NGEF: variants seen among roughly 807,000 people sequenced by gnomAD.
NGEF encodes ephexin-1.
A neutral mutation model predicts 80.9 loss-of-function variants in NGEF; 31 were observed. The ratio of observed to expected loss-of-function variants is 0.38; its 90% CI spans 0.29 to 0.52. The LOEUF is 0.52. Among genes scored for constraint, NGEF ranks in the 20% least tolerant of loss-of-function variants. The pLI is 0.84. For missense variants in NGEF, 709 were observed against 926.2 expected (o/e 0.77, Z 3.04); for synonymous variants, 371 against 370.2 (o/e 1.00, Z -0.03).
At chr2:232,964,222 G>A (rs1472790262) in intron 3 of NGEF, among the ~76,000 whole-genome samples, 1 of 152,082 alleles carries the variant, frequency 6.6e-6, no homozygotes, top group Non-Finnish European at 1.5e-5. Context: ...CTAAGACCTA[G>A]CAAGTCCACT....
chr2:232,928,047 G>T (rs1363026641), intron 3 of NGEF: 1 of 1,177,184 alleles, frequency 8.5e-7, no homozygotes, highest in Non-Finnish European at 1.0e-6. Context: ...GGGCCACGCC[G>T]GGGCCCTGGG....
At chr2:232,883,607 C>T (rs562893595) in intron 11 of NGEF, 141 bp from the exon 12 acceptor site, 126 of 907,064 alleles carry the variant, frequency 1.4e-4, no homozygotes, top group African/African-American at 2.2e-4. Flanking sequence ...TCCACCTGAA[C>T]GCCTGTCTCC....
chr2:232,998,605 T>G (rs1694904813), intron 1 of NGEF, among the ~76,000 whole-genome samples: 1 of 151,910 alleles, frequency 6.6e-6, no homozygotes, highest in South Asian at 2.1e-4. Context: ...CCATGCTGGG[T>G]GAAGCCTTCT....
At chr2:232,952,193 T>C (rs537471999) in intron 3 of NGEF, among the ~76,000 whole-genome samples, 1 of 152,340 alleles carries the variant, frequency 6.6e-6, no homozygotes, top group East Asian at 1.9e-4. Flanking sequence ...ATATAAAGCC[T>C]GAGTAATATC....
intron 5 of NGEF, 41 bp downstream of exon 5, chr2:232,920,243 G>C: frequency 1.3e-6 from 2 of 1,574,282 alleles, no homozygotes; most frequent in East Asian, 2.3e-5. Flanking sequence ...GGGCCACCCC[G>C]GTGTGCTGTG....
At chr2:232,960,435 C>T (rs1186919753) in intron 3 of NGEF, among the ~76,000 whole-genome samples, 1 of 152,164 alleles carries the variant, frequency 6.6e-6, no homozygotes, top group East Asian at 1.9e-4. Flanking sequence ...TTCACAGGAA[C>T]ACCCTCCTTC....
intron 1 of NGEF, among the ~76,000 whole-genome samples, chr2:233,002,968 G>A (rs988995259): frequency 6.6e-6 from 1 of 152,176 alleles, no homozygotes. Context: ...TGACCTCAGC[G>A]AGTCTGCACA....
At chr2:232,997,683 G>A (rs930605449) in intron 1 of NGEF, among the ~76,000 whole-genome samples, 19 of 152,034 alleles carry the variant, frequency 1.2e-4, no homozygotes, top group Non-Finnish European at 2.2e-4. Context: ...AGGCTCTGGC[G>A]ACCTGGCCTC....
At chr2:232,987,459 G>C (rs538760506) in intron 1 of NGEF, among the ~76,000 whole-genome samples, 1 of 152,284 alleles carries the variant, frequency 6.6e-6, no homozygotes, top group South Asian at 2.1e-4. Flanking sequence ...TAAAAGAAGA[G>C]GAAGAAGAAG....
At chr2:233,007,642 AT>A (rs1695114325) in intron 1 of NGEF, among the ~76,000 whole-genome samples, 1 of 152,216 alleles carries the variant, frequency 6.6e-6, no homozygotes, top group South Asian at 2.1e-4. Context: ...GAATACACAA[AT>A]TAGCTATAAT....
intron 3 of NGEF, among the ~76,000 whole-genome samples, chr2:232,966,367 G>A (rs2106317765): frequency 6.6e-6 from 1 of 152,332 alleles, no homozygotes; most frequent in East Asian, 1.9e-4. Context: ...CCCACACTTA[G>A]CTCTGAGAAA....
At chr2:232,879,797 T>C in intron 14 of NGEF, 118 bp from the exon 15 acceptor site, 1 of 921,184 alleles carries the variant, frequency 1.1e-6, no homozygotes. Context: ...CAGCTGGCCT[T>C]TCCCAAAAGG....
chr2:233,002,286 A>G (rs72980043), intron 1 of NGEF, among the ~76,000 whole-genome samples: 3,675 of 152,340 alleles, frequency 0.024, 152 homozygotes, highest in African/African-American at 0.084. Context: ...TTTCACAGAT[A>G]TTAAAGCTTA....
At chr2:232,949,024 A>AC (rs199518189) in intron 3 of NGEF, among the ~76,000 whole-genome samples, 26 of 134,248 alleles carry the variant, frequency 1.9e-4, no homozygotes, top group Middle Eastern at 4.1e-3. Flanking sequence ...TCTCAAAAAA[A>AC]CCCCCCAAAA....
At chr2:232,887,779 G>A (rs1258294435) in intron 9 of NGEF, among the ~76,000 whole-genome samples, 1 of 152,184 alleles carries the variant, frequency 6.6e-6, no homozygotes, top group Non-Finnish European at 1.5e-5. Flanking sequence ...ATCCATGCCA[G>A]GCACAGTAAC....
At chr2:232,948,185 A>T (rs4973582) in intron 3 of NGEF, among the ~76,000 whole-genome samples, 1 of 113,640 alleles carries the variant, frequency 8.8e-6, no homozygotes, top group Non-Finnish European at 2.0e-5. Flanking sequence ...GTGTGTGTGT[A>T]TATAATTATT....
intron 8 of NGEF, 53 bp from the exon 9 acceptor site, chr2:232,888,160 C>T: frequency 7.2e-7 from 1 of 1,384,140 alleles, no homozygotes; most frequent in Non-Finnish European, 1.0e-6. Context: ...TCTTTCCTCC[C>T]ATTTCCCACC....
intron 3 of NGEF, chr2:232,927,927 C>T: frequency 7.5e-7 from 1 of 1,336,280 alleles, no homozygotes; most frequent in Admixed American, 3.2e-5. Flanking sequence ...GAGTCGCGCG[C>T]GTCGCTTTCC....
chr2:232,892,491 C>G lies in NGEF; in HGVS notation c.1142+407G>C, dbSNP rs1326262557. Among the ~76,000 whole-genome samples the G allele has an allele frequency of 6.6e-6, 1 of 152,194 alleles. No homozygotes were observed. The highest frequency in any genetic ancestry group is 1.5e-5 in the Non-Finnish European group (1 of 68,028). ...CCCCGGCGCTGCTGGAGGAGCCCCA[C>G]CGAGGCTCCTTCCCATCCTGTCCCT... On this transcript the variant is annotated intron_variant, in intron 7 of 14. Coordinates refer to ENST00000264051, the MANE Select transcript of NGEF (RefSeq NM_019850.3). The surrounding 1 kb of genome is among the most constrained non-coding windows in gnomAD (Gnocchi z 4.0).
Sources: gnomAD v4.1 joint callset for allele counts (sites outside exome capture counted in the v4.1 genomes callset) on GRCh38, gnomAD v4.1.1 for gene constraint, Gnocchi (gnomAD v3.1) non-coding constraint, MANE v1.5 for transcripts, NCBI Gene and HGNC (gene_info 2026-07-23, HGNC 2026-07-21) for gene names.